The following JAZF1 variants were observed in gnomAD, a reference collection of about 807,000 sequenced individuals.
JAZF1 encodes the protein juxtaposed with another zinc finger protein 1.
A neutral mutation model predicts 26.4 loss-of-function variants in JAZF1; 8 were observed. The ratio of observed to expected loss-of-function variants is 0.30; its 90% CI spans 0.18 to 0.55. JAZF1 has a LOEUF of 0.55. Among genes scored for constraint, JAZF1 ranks in the 20% least tolerant of loss-of-function variants. The pLI is 0.94. For synonymous variants in JAZF1, 126 were observed against 122.3 expected (o/e 1.03, Z -0.20); for missense variants, 199 against 322.0 (o/e 0.62, Z 2.92).
chr7:28,070,237 A>G (rs1241162684), intron 1 of JAZF1, among the ~76,000 whole-genome samples: 1 of 152,158 alleles, frequency 6.6e-6, no homozygotes, highest in African/African-American at 2.4e-5. Context: ...TTTCTTCAAG[A>G]CTTCATGTAT....
intron 1 of JAZF1, among the ~76,000 whole-genome samples, chr7:28,132,551 A>T (rs2127942342): frequency 6.6e-6 from 1 of 152,310 alleles, no homozygotes; most frequent in East Asian, 1.9e-4. Flanking sequence ...TGCGACGGCA[A>T]TTGGAGCTAC....
chr7:27,861,872 G>A (rs979150214), intron 3 of JAZF1, among the ~76,000 whole-genome samples: 1 of 152,220 alleles, frequency 6.6e-6, no homozygotes, highest in Non-Finnish European at 1.5e-5. Flanking sequence ...ACCATCCTGG[G>A]TGGTGTGAGT....
intron 1 of JAZF1, among the ~76,000 whole-genome samples, chr7:28,038,812 T>C (rs1783339542): frequency 1.3e-5 from 2 of 152,160 alleles, no homozygotes; most frequent in African/African-American, 4.8e-5. Flanking sequence ...AAGCAAAAGA[T>C]TTGCTGAACA....
At chr7:28,142,190 C>G (rs1485418262) in intron 1 of JAZF1, among the ~76,000 whole-genome samples, 1 of 152,148 alleles carries the variant, frequency 6.6e-6, no homozygotes, top group Non-Finnish European at 1.5e-5. Flanking sequence ...AATGCTACTG[C>G]CCATAAACAT....
chr7:28,015,906 C>T (rs73301400), intron 1 of JAZF1, among the ~76,000 whole-genome samples: 6,529 of 152,202 alleles, frequency 0.043, 500 homozygotes, highest in African/African-American at 0.15. Context: ...GCTCCCCAGG[C>T]TCCAGGTCCC....
chr7:27,918,826 A>G (rs1008550250), intron 2 of JAZF1, among the ~76,000 whole-genome samples: 2 of 146,806 alleles, frequency 1.4e-5, no homozygotes, highest in Admixed American at 6.7e-5. Flanking sequence ...GTGATAAGAG[A>G]AAAAAAAAAT....
At chr7:27,930,204 C>T (rs1784666969) in intron 2 of JAZF1, among the ~76,000 whole-genome samples, 1 of 152,082 alleles carries the variant, frequency 6.6e-6, no homozygotes, top group Non-Finnish European at 1.5e-5. Flanking sequence ...ACTGTGTTAG[C>T]CAGGATGGTC....
At chr7:28,154,940 A>G (rs1783158243) in intron 1 of JAZF1, among the ~76,000 whole-genome samples, 1 of 151,100 alleles carries the variant, frequency 6.6e-6, no homozygotes, top group Admixed American at 6.6e-5. Flanking sequence ...GCAAAACATT[A>G]AAAAAAAAGA....
In JAZF1 at chr7:28,000,353, C is replaced by T. The variant is rs79367310; in HGVS notation, c.116-8372G>A. On this transcript the variant is annotated intron_variant, in intron 1 of 4. Coordinates refer to ENST00000283928, the MANE Select transcript of JAZF1 (RefSeq NM_175061.4). ...TGCTGCTGAACACCCTACATACGCACGCAGAGTAGCGCCTACAACAAAGAG... is the reference window on the plus strand; with the variant it reads ...TGCTGCTGAACACCCTACATACGCATGCAGAGTAGCGCCTACAACAAAGAG... Among the ~76,000 whole-genome samples, 54 of 152,214 alleles carry T rather than the reference C, an allele frequency of 3.5e-4. No homozygotes were observed. In the East Asian group the frequency reaches 0.01, roughly 29 times the overall value.
At chr7:27,835,293 G>A (rs1782784422) in intron 4 of JAZF1, among the ~76,000 whole-genome samples, 1 of 152,076 alleles carries the variant, frequency 6.6e-6, no homozygotes, top group African/African-American at 2.4e-5. Context: ...TAACTAATTA[G>A]GCTAAAAAAA....
At chr7:28,071,386 T>C (rs1420897916) in intron 1 of JAZF1, among the ~76,000 whole-genome samples, 1 of 152,234 alleles carries the variant, frequency 6.6e-6, no homozygotes, top group Non-Finnish European at 1.5e-5. Flanking sequence ...GTCTACAGTT[T>C]AGTGGCTAAA....
At chr7:28,014,036 A>G (rs1166497101) in intron 1 of JAZF1, among the ~76,000 whole-genome samples, 2 of 149,122 alleles carry the variant, frequency 1.3e-5, no homozygotes, top group African/African-American at 2.5e-5. Context: ...AGTTAAATCA[A>G]CTGAGGCAGT....
intron 2 of JAZF1, among the ~76,000 whole-genome samples, chr7:27,908,816 A>G (rs1456871950): frequency 1.3e-5 from 2 of 152,220 alleles, no homozygotes; most frequent in Non-Finnish European, 2.9e-5. Flanking sequence ...TGGAACACAC[A>G]TTCTATTTTA....
intron 3 of JAZF1, among the ~76,000 whole-genome samples, chr7:27,847,479 A>G (rs1210370590): frequency 6.6e-6 from 1 of 152,086 alleles, no homozygotes; most frequent in Non-Finnish European, 1.5e-5. Flanking sequence ...ATAAGGGACC[A>G]ATTTCATTCG....
At chr7:28,062,705 G>C (rs1014348600) in intron 1 of JAZF1, among the ~76,000 whole-genome samples, 3 of 152,170 alleles carry the variant, frequency 2.0e-5, no homozygotes, top group Admixed American at 6.5e-5. Context: ...AGTGGCTTCC[G>C]AGTGTGTCCT....
chr7:28,094,183 G>T (rs1251678704), intron 1 of JAZF1, among the ~76,000 whole-genome samples: 1 of 152,190 alleles, frequency 6.6e-6, no homozygotes, highest in Non-Finnish European at 1.5e-5. Context: ...CATTCGATCT[G>T]CTCGGAGGCA....
chr7:28,037,730 T>C (rs1045560704), intron 1 of JAZF1, among the ~76,000 whole-genome samples: 2 of 152,218 alleles, frequency 1.3e-5, no homozygotes, highest in South Asian at 2.1e-4. Context: ...ATTCACAGGA[T>C]TGTTCCATAT....
intron 1 of JAZF1, among the ~76,000 whole-genome samples, chr7:28,001,003 GA>G: frequency 6.6e-6 from 1 of 152,100 alleles, no homozygotes; most frequent in East Asian, 1.9e-4. Context: ...TTGCTTAGGG[GA>G]AACTTTAAGT....
chr7:27,874,715 C>CTCG (rs3073731), intron 3 of JAZF1, among the ~76,000 whole-genome samples: 149,388 of 152,290 alleles, frequency 0.98, 73,441 homozygotes, highest in Middle Eastern at 1. Flanking sequence ...AACCTTTAAT[C>CTCG]GAGATCCTTA....
Sources: allele counts gnomAD v4.1 joint callset (sites outside exome capture counted in the v4.1 genomes callset), GRCh38; gene constraint gnomAD v4.1.1; transcripts MANE v1.5; gene names NCBI Gene and HGNC (gene_info 2026-07-23, HGNC 2026-07-21).